Variants in LHPP observed in about 807,000 individuals in gnomAD.
LHPP encodes the protein phospholysine phosphohistidine inorganic pyrophosphate phosphatase.
A neutral mutation model predicts 30.3 loss-of-function variants in LHPP; 24 were observed. That is an observed-to-expected ratio of 0.79 (90% CI 0.57 to 1.11). The LOEUF (loss-of-function observed/expected upper bound fraction) is 1.11, where lower values mean the gene tolerates loss of function less well. LHPP is among the 50% of genes most tolerant of loss of function. The pLI, the probability that LHPP is intolerant of heterozygous loss-of-function variation, is 0.00. For missense variants in LHPP, 356 were observed against 367.2 expected (o/e 0.97, Z 0.25); for synonymous variants, 150 against 157.1 (o/e 0.95, Z 0.34).
chr10:124,546,661 C>T (rs1469153607), intron 6 of LHPP, among the ~76,000 whole-genome samples: 1 of 152,022 alleles, frequency 6.6e-6, no homozygotes, highest in Non-Finnish European at 1.5e-5. Flanking sequence ...CCGCCCGCCT[C>T]AGCCTCCCAA....
rs143158103 is a variant in LHPP at position 124,476,322 on chromosome 10, G to A, written c.126-7817G>A. ...GTCTAGTGGACCTGTTGCCCTGGCC[G>A]GTCAGCTGGAAGGAGGAGCAAGTGC... On this transcript the variant is annotated intron_variant, in intron 1 of 6. Transcript: ENST00000368842. Among the ~76,000 whole-genome samples, 945 of 152,300 alleles carry A rather than the reference G, an allele frequency of 6.2e-3. 9 individuals carry two copies. Among genetic ancestry groups the A allele is most frequent in the Middle Eastern group, 0.041 (12 of 294 alleles).
chr10:124,556,479 T>C (rs956291141), intron 6 of LHPP, among the ~76,000 whole-genome samples: 1 of 152,268 alleles, frequency 6.6e-6, no homozygotes. Context: ...CCCAACTGCA[T>C]TGCTCATCCT....
At chr10:124,561,187 A>G (rs12257513) in intron 6 of LHPP, among the ~76,000 whole-genome samples, 32,779 of 152,100 alleles carry the variant, frequency 0.22, 3,739 homozygotes, top group South Asian at 0.32. Context: ...GACAGAAAAC[A>G]TTTAGGCAAT....
intron 6 of LHPP, among the ~76,000 whole-genome samples, chr10:124,554,858 A>G (rs1054318712): frequency 2.6e-5 from 4 of 152,266 alleles, no homozygotes; most frequent in African/African-American, 9.6e-5. Flanking sequence ...TTCTTTAACG[A>G]AGGAATGAGG....
At chr10:124,529,202 TTTTTTTGTATTTTTAGTAGAGACGGG>T (rs1954824249) in intron 6 of LHPP, among the ~76,000 whole-genome samples, 3 of 151,670 alleles carry the variant, frequency 2.0e-5, no homozygotes, top group Admixed American at 2.0e-4. Flanking sequence ...GCCCAGCTAA[TTTTTTTGTATTTTTAGTAGAGACGGG>T]GTTTCACTGT....
intron 6 of LHPP, among the ~76,000 whole-genome samples, chr10:124,606,959 T>G (rs1301870981): frequency 6.6e-6 from 1 of 152,204 alleles, no homozygotes; most frequent in African/African-American, 2.4e-5. Flanking sequence ...CTCTCTGCCC[T>G]CTTTTCTCTG....
At chr10:124,599,456 G>A (rs1482458860) in intron 6 of LHPP, among the ~76,000 whole-genome samples, 5 of 152,190 alleles carry the variant, frequency 3.3e-5, no homozygotes, top group African/African-American at 4.8e-5. Flanking sequence ...CAGGGCCAGC[G>A]CTTCCCATGG....
Position 124,484,217 on chromosome 10 carries a change from T to G in LHPP, c.204T>G (p.Leu68=). 1 of 1,614,062 alleles carries G rather than the reference T, an allele frequency of 6.2e-7. No homozygotes were observed. Among genetic ancestry groups the G allele is most frequent in the Non-Finnish European group, 8.5e-7 (1 of 1,179,992 alleles). ...QKSRAELVGQ[L]QRLGFDISEQ... ...CCCGGGCAGAGCTGGTGGGGCAGCTTCAGAGGCTGGGATTTGACATCTCTG... is the reference window on the plus strand; with the variant it reads ...CCCGGGCAGAGCTGGTGGGGCAGCTGCAGAGGCTGGGATTTGACATCTCTG... The change falls in exon 2 of 7, where the codon CTT becomes CTG. Residue 68 remains leucine, a synonymous_variant. Coordinates refer to ENST00000368842, the MANE Select transcript of LHPP (RefSeq NM_022126.4).
rs1948896313 is a variant in LHPP at position 124,592,705 on chromosome 10, G to T, written c.717-20559G>T. 6.6e-6 allele frequency among the ~76,000 whole-genome samples: 1 copy of T among 152,242 alleles called. No individual in the cohort carries two copies. Among genetic ancestry groups the T allele is most frequent in the South Asian group, 2.1e-4 (1 of 4,836 alleles). On this transcript the variant is annotated intron_variant, in intron 6 of 6. Coordinates refer to ENST00000368842, the MANE Select transcript of LHPP (RefSeq NM_022126.4). The surrounding 1 kb of genome is among the most constrained non-coding windows in gnomAD (Gnocchi z 6.2). The stretch of plus-strand genomic sequence containing the variant: ...GTCTTACTTGGTTTGTGGCTTCCCA[G>T]TAAACGGTGGGACAGGACCAGGGTC...
intron 6 of LHPP, among the ~76,000 whole-genome samples, chr10:124,611,001 T>TGG (rs1949189122): frequency 6.0e-5 from 1 of 16,654 alleles, no homozygotes. Flanking sequence ...GGTGAGGGTG[T>TGG]TAATGAAGCG....
intron 6 of LHPP, among the ~76,000 whole-genome samples, chr10:124,571,045 G>A (rs550022691): frequency 3.3e-5 from 5 of 152,326 alleles, no homozygotes; most frequent in South Asian, 2.1e-4. Flanking sequence ...TTTAAAAAGC[G>A]GAGTTGCCCT....
In LHPP at chr10:124,462,051, C is replaced by CCGGCAGGGGGCGGGG. The variant is rs890231435; in HGVS notation, c.125+81_125+95dup. On this transcript the variant is annotated intron_variant, in intron 1 of 6. Coordinates refer to ENST00000368842, the MANE Select transcript of LHPP (RefSeq NM_022126.4). The stretch of plus-strand genomic sequence containing the variant: ...CTAAGCTCAGCCCGCTCCCTGGCTG[C>CCGGCAGGGGGCGGGG]CGGCAGGGGGCGGGGCGGCAGGGGG... 1.8e-5 allele frequency: 21 copies of CCGGCAGGGGGCGGGG among 1,180,162 alleles called. No individual in the cohort carries two copies. The African/African-American group carries it at 2.6e-4, about 14-fold the overall frequency. The allele number at this position is 1,180,162 out of a possible 1,614,324, so 73.1% of individuals were successfully genotyped here.
chr10:124,608,645 C>G (rs1404209596), intron 6 of LHPP, among the ~76,000 whole-genome samples: 3 of 152,204 alleles, frequency 2.0e-5, no homozygotes, highest in African/African-American at 7.2e-5. Context: ...GGCTGATTTA[C>G]TGAGCTAGCC....
intron 6 of LHPP, among the ~76,000 whole-genome samples, chr10:124,528,414 A>G (rs541912636): frequency 6.6e-6 from 1 of 151,550 alleles, no homozygotes; most frequent in African/African-American, 2.4e-5. Flanking sequence ...GCTGGAGTGC[A>G]ATGGTGCGAT....
chr10:124,526,033 C>T (rs974236711), intron 6 of LHPP: 3 of 289,266 alleles, frequency 1.0e-5, no homozygotes, highest in African/African-American at 4.5e-5. Context: ...TAGGCAGCCT[C>T]CCAACCCCAG....
rs1948657884 is a variant in LHPP, at chr10:124,576,201, C to CA, written c.717-37062dup. On this transcript the variant is annotated intron_variant, in intron 6 of 6. Coordinates refer to ENST00000368842, the MANE Select transcript of LHPP (RefSeq NM_022126.4). The surrounding 1 kb of genome is among the most constrained non-coding windows in gnomAD (Gnocchi z 4.2). ...ATTGTACTGCCTAATAGAGTGCTCA[C>CA]ACATGTTAAAACTACCTGGCAGGCA... 6.6e-6 allele frequency among the ~76,000 whole-genome samples: 1 copy of CA among 152,152 alleles called. No homozygotes were observed. The highest frequency in any genetic ancestry group is 6.5e-5 in the Admixed American group (1 of 15,288).
chr10:124,589,517 C>G (rs1948849198), intron 6 of LHPP, among the ~76,000 whole-genome samples: 1 of 152,198 alleles, frequency 6.6e-6, no homozygotes, highest in Non-Finnish European at 1.5e-5. Context: ...GGAGAAGGTC[C>G]TGGAGGTGGC....
chr10:124,471,721 TTA>T (rs1434324545), intron 1 of LHPP, among the ~76,000 whole-genome samples: 6 of 17,092 alleles, frequency 3.5e-4, no homozygotes, highest in Admixed American at 7.6e-4. Flanking sequence ...GTATATATAT[TTA>T]TGTATATATA....
chr10:124,465,162 C>T (rs977854288), intron 1 of LHPP, among the ~76,000 whole-genome samples: 10 of 151,948 alleles, frequency 6.6e-5, no homozygotes, highest in Non-Finnish European at 1.0e-4. Flanking sequence ...TGGACAGACC[C>T]GGAGGGATAA....
Sources: allele counts gnomAD v4.1 joint callset (sites outside exome capture counted in the v4.1 genomes callset), GRCh38; gene constraint gnomAD v4.1.1; non-coding constraint Gnocchi (gnomAD v3.1); transcripts MANE v1.5; gene names NCBI Gene and HGNC (gene_info 2026-07-23, HGNC 2026-07-21).